The following SAV1 variants were observed in gnomAD, a reference collection of about 807,000 sequenced individuals.
SAV1 encodes the protein salvador family WW domain containing protein 1.
Under a neutral mutation model 47.3 loss-of-function variants are expected in SAV1, and 23 were observed. The observed-to-expected ratio is 0.49, with a 90% CI of 0.35 to 0.69. SAV1 has a LOEUF of 0.69. SAV1 is among the 30% of genes least tolerant of loss of function. The pLI, the probability that SAV1 is intolerant of heterozygous loss-of-function variation, is 0.01. For synonymous variants in SAV1, 155 were observed against 159.2 expected (o/e 0.97, Z 0.20); for missense variants, 448 against 457.4 (o/e 0.98, Z 0.19).
rs751794743 is a variant in SAV1, at chr14:50,644,798, T to C, written c.752A>G (p.Tyr251Cys). 4.3e-6 allele frequency: 7 copies of C among 1,614,144 alleles called. No individual in the cohort carries two copies. Among genetic ancestry groups the C allele is most frequent in the Non-Finnish European group, 5.1e-6 (6 of 1,179,994 alleles). ...ERVESSEFGT[Y>C]YVDHTNKKAQ... ...CTTCTTATTTGTGTGATCTACATAA[T>C]AGGTTCCAAATTCGGATGACTCAAC... Residue 251 changes from tyrosine to cysteine, a missense_variant, in exon 3 of 5, where the codon TAT (tyrosine) becomes TGT (cysteine). By Grantham distance (194) the Tyr-to-Cys change is radical (BLOSUM62 -2). Transcript: ENST00000324679.
At position 50,665,587 on chromosome 14, in the gene SAV1, T is replaced by C. The variant is rs757404738; in HGVS notation, c.127A>G (p.Thr43Ala). 2.0e-5 allele frequency: 33 copies of C among 1,612,758 alleles called. No homozygotes were observed. The East Asian group carries it at 2.2e-4, about 11-fold the overall frequency. Residue 43 changes from threonine to alanine, a missense_variant, in exon 2 of 5, where the codon ACA becomes GCA. Coordinates refer to ENST00000324679, the MANE Select transcript of SAV1 (RefSeq NM_021818.4). ...CAGATATCAGTTCGTCTTGGAATTG[T>C]TGGACCATGCCGGATGAATGAAGGC... ...LMPSFIRHGP[T>A]IPRRTDICLP...
chr14:50,652,443 G>A (rs2039777097), intron 2 of SAV1, among the ~76,000 whole-genome samples: 1 of 152,176 alleles, frequency 6.6e-6, no homozygotes, highest in African/African-American at 2.4e-5. Flanking sequence ...CCCATCGAAA[G>A]GAACCAGGGA....
Position 50,635,119 on chromosome 14 carries a change from G to T in SAV1, c.*64C>A. 8.1e-7 allele frequency: 1 copy of T among 1,228,650 alleles called. No individual in the cohort carries two copies. The highest frequency in any genetic ancestry group is 1.2e-6 in the Non-Finnish European group (1 of 845,324). The allele number at this position is 1,228,650 out of a possible 1,614,324, so 76.1% of individuals were successfully genotyped here. On this transcript the variant is annotated 3_prime_UTR_variant, in exon 5 of 5. Coordinates refer to ENST00000324679, the MANE Select transcript of SAV1 (RefSeq NM_021818.4). Reference sequence around the variant, plus strand: ...CATTTATTAACCAGAGTACTTGTTTGCAATTTTTTATCTGTGAAAATATTT... The same window carrying T: ...CATTTATTAACCAGAGTACTTGTTTTCAATTTTTTATCTGTGAAAATATTT...
chr14:50,646,189 T>G (rs2039719965), intron 2 of SAV1, among the ~76,000 whole-genome samples: 1 of 152,122 alleles, frequency 6.6e-6, no homozygotes, highest in South Asian at 2.1e-4. Context: ...TATGATGAAG[T>G]TTAACTTATA....
intron 2 of SAV1, among the ~76,000 whole-genome samples, chr14:50,650,189 C>A (rs1250238011): frequency 6.6e-6 from 1 of 152,166 alleles, no homozygotes; most frequent in Admixed American, 6.5e-5. Context: ...TATTTAAATA[C>A]AACATACAAT....
intron 2 of SAV1, among the ~76,000 whole-genome samples, chr14:50,655,445 G>A (rs1254226897): frequency 1.0e-5 from 1 of 96,798 alleles, no homozygotes; most frequent in Non-Finnish European, 2.1e-5. Flanking sequence ...TTTTTTTTTT[G>A]AGACAGAGTC....
chr14:50,659,647 G>C (rs1245092365), intron 2 of SAV1, among the ~76,000 whole-genome samples: 1 of 152,164 alleles, frequency 6.6e-6, no homozygotes. Flanking sequence ...TTGGGAGTTT[G>C]ACCAGCCTGG....
At chr14:50,640,914 T>C (rs934808057) in intron 3 of SAV1, 21 bp from the exon 4 acceptor site, 13 of 1,579,216 alleles carry the variant, frequency 8.2e-6, no homozygotes, top group Non-Finnish European at 1.1e-5. Flanking sequence ...AGGAGTGACA[T>C]TCTTTAGGAT....
At chr14:50,659,621 G>T (rs944260818) in intron 2 of SAV1, among the ~76,000 whole-genome samples, 3 of 152,212 alleles carry the variant, frequency 2.0e-5, no homozygotes, top group African/African-American at 7.2e-5. Flanking sequence ...GGCCAAGGCA[G>T]GCAGATTGCT....
chr14:50,653,554 G>A (rs1176446213), intron 2 of SAV1, among the ~76,000 whole-genome samples: 1 of 152,130 alleles, frequency 6.6e-6, no homozygotes, highest in Non-Finnish European at 1.5e-5. Context: ...ACGTGAATTT[G>A]TTTGTTTCCC....
At chr14:50,648,375 A>G (rs953003851) in intron 2 of SAV1, among the ~76,000 whole-genome samples, 3 of 152,214 alleles carry the variant, frequency 2.0e-5, no homozygotes, top group African/African-American at 7.2e-5. Context: ...CAGGCATTAC[A>G]TGAAATCTAT....
chr14:50,645,174 A>G (rs893782166), intron 2 of SAV1, among the ~76,000 whole-genome samples, 160 bp from the exon 3 acceptor site: 3 of 152,162 alleles, frequency 2.0e-5, no homozygotes, highest in African/African-American at 7.2e-5. Flanking sequence ...ACTAGTCGGT[A>G]TTACTATTAA....
intron 1 of SAV1, 45 bp downstream of exon 1, chr14:50,667,829 C>G: frequency 6.4e-7 from 1 of 1,569,246 alleles, no homozygotes. Context: ...CCCGGAGCAC[C>G]TGGCCGCCTG....
intron 2 of SAV1, among the ~76,000 whole-genome samples, chr14:50,648,199 T>C (rs1046152793): frequency 2.0e-5 from 3 of 152,192 alleles, no homozygotes; most frequent in Non-Finnish European, 4.4e-5. Flanking sequence ...CTCAAGTGGC[T>C]ACAAATTGTA....
intron 2 of SAV1, among the ~76,000 whole-genome samples, chr14:50,661,910 T>C (rs562488273): frequency 2.6e-5 from 4 of 152,334 alleles, no homozygotes; most frequent in African/African-American, 9.6e-5. Flanking sequence ...GTGATGCTTC[T>C]AGCTTTGTTC....
At chr14:50,651,467 A>G (rs1399832328) in intron 2 of SAV1, among the ~76,000 whole-genome samples, 1 of 152,184 alleles carries the variant, frequency 6.6e-6, no homozygotes, top group Non-Finnish European at 1.5e-5. Flanking sequence ...GCAACCTTTT[A>G]AATATCCTAT....
intron 4 of SAV1, among the ~76,000 whole-genome samples, chr14:50,637,145 T>C (rs186915324): frequency 7.2e-5 from 11 of 152,292 alleles, no homozygotes; most frequent in African/African-American, 2.4e-4. Flanking sequence ...AACTGGAAGG[T>C]AAATATATTT....
intron 2 of SAV1, among the ~76,000 whole-genome samples, chr14:50,663,370 C>T (rs1251193074): frequency 1.3e-5 from 2 of 152,150 alleles, no homozygotes; most frequent in Admixed American, 6.5e-5. Context: ...TTAAAACTTA[C>T]TATTTTAGTT....
intron 2 of SAV1, among the ~76,000 whole-genome samples, chr14:50,656,134 T>C (rs1414489631): frequency 6.6e-6 from 1 of 152,218 alleles, no homozygotes; most frequent in East Asian, 1.9e-4. Flanking sequence ...CTTCCATATA[T>C]GTACTGAACT....
Sources: gnomAD v4.1 joint callset for allele counts (sites outside exome capture counted in the v4.1 genomes callset) on GRCh38, gnomAD v4.1.1 for gene constraint, MANE v1.5 for transcripts, NCBI Gene and HGNC (gene_info 2026-07-23, HGNC 2026-07-21) for gene names.